Variants in NAV1 observed in about 807,000 individuals in gnomAD.
NAV1 encodes pore membrane and/or filament interacting like protein 3.
In NAV1, 18 loss-of-function variants were observed where a neutral mutation model predicts 175.2. That is an observed-to-expected ratio of 0.10 (90% CI 0.07 to 0.15). The LOEUF is 0.15. NAV1 is among the 10% of genes least tolerant of loss of function. The pLI, the probability that NAV1 is intolerant of heterozygous loss-of-function variation, is 1.00. For missense variants in NAV1, 1,731 were observed against 2,436.6 expected, an observed-to-expected ratio of 0.71 and a Z score of 6.10; for synonymous variants, 897 against 978.7, an observed-to-expected ratio of 0.92 and a Z score of 1.56.
At chr1:201,550,061 C>A (rs1417267818) in intron 1 of NAV1, among the ~76,000 whole-genome samples, 1 of 150,442 alleles carries the variant, frequency 6.6e-6, no homozygotes, top group Non-Finnish European at 1.5e-5. Flanking sequence ...CGGGCATGCT[C>A]ACCCAGAAAG....
intron 1 of NAV1, among the ~76,000 whole-genome samples, chr1:201,683,489 G>T (rs1453111524): frequency 2.0e-5 from 3 of 152,034 alleles, no homozygotes; most frequent in Non-Finnish European, 4.4e-5. Context: ...TCCCTACAAT[G>T]CGCAGTTCAC....
chr1:201,804,389 T>C, intron 16 of NAV1, 100 bp from the exon 21 acceptor site: 1 of 1,244,956 alleles, frequency 8.0e-7, no homozygotes, highest in South Asian at 1.4e-5. Flanking sequence ...GACCTTTGTA[T>C]AATGCAGACA....
chr1:201,581,784 G>C (rs1666870236), intron 1 of NAV1, among the ~76,000 whole-genome samples: 1 of 151,966 alleles, frequency 6.6e-6, no homozygotes, highest in South Asian at 2.1e-4. Context: ...AGCTGAGATT[G>C]CACCACTACA....
chr1:201,545,225 A>G (rs1011690820), intron 1 of NAV1, among the ~76,000 whole-genome samples: 10 of 152,122 alleles, frequency 6.6e-5, no homozygotes, highest in African/African-American at 2.2e-4. Context: ...ATAGATTCCT[A>G]TGATCTGGCA....
intron 1 of NAV1, among the ~76,000 whole-genome samples, chr1:201,577,068 A>G (rs1666711481): frequency 2.6e-5 from 4 of 152,094 alleles, no homozygotes; most frequent in Admixed American, 2.6e-4. Context: ...ACAGCTCACA[A>G]CCTCAACCTC....
chr1:201,662,297 C>T (rs192947935), intron 1 of NAV1, among the ~76,000 whole-genome samples: 2 of 152,384 alleles, frequency 1.3e-5, no homozygotes, highest in Admixed American at 1.3e-4. Context: ...CTGCCGCAGG[C>T]TGAGGACAGT....
chr1:201,705,399 G>A (rs749691893), intron 1 of NAV1, among the ~76,000 whole-genome samples: 25 of 152,154 alleles, frequency 1.6e-4, no homozygotes, highest in Non-Finnish European at 2.5e-4. Context: ...CTTTAGTCCT[G>A]GCTCTTTCTG....
At chr1:201,774,617 C>T (rs1021144493) in intron 3 of NAV1, among the ~76,000 whole-genome samples, 2 of 152,020 alleles carry the variant, frequency 1.3e-5, no homozygotes, top group Non-Finnish European at 2.9e-5. Flanking sequence ...ATAGCAAGAC[C>T]CCATCTCAAA....
chr1:201,781,062 G>T (rs1376964558), exon 5 of NAV1: 1 of 1,614,192 alleles, frequency 6.2e-7, no homozygotes, highest in Non-Finnish European at 8.5e-7. Context: ...GGCTGAGCTG[G>T]TTTAGTGAAT....
intron 2 of NAV1, among the ~76,000 whole-genome samples, chr1:201,635,808 T>C (rs560144675): frequency 8.5e-5 from 13 of 152,294 alleles, no homozygotes; most frequent in Non-Finnish European, 1.6e-4. Flanking sequence ...TCCTAGGAAA[T>C]CCCAACCCCT....
At chr1:201,779,503 C>A (rs1419480254) in intron 3 of NAV1, among the ~76,000 whole-genome samples, 1 of 141,362 alleles carries the variant, frequency 7.1e-6, no homozygotes, top group Non-Finnish European at 1.5e-5. Flanking sequence ...GAGGCTGAAG[C>A]AGGAGAATTG....
rs1389908339 is a variant in NAV1, at chr1:201,560,718, T to A, written c.-144+21376T>A. Among the ~76,000 whole-genome samples the A allele has an allele frequency of 2.0e-5, 3 of 152,190 alleles. No homozygotes were observed. The East Asian group carries it at 5.8e-4, about 29-fold the overall frequency. ...ACACTGATGTTTGTACAGATGTGCA[T>A]CTCTGTTGCTGCGTGGCAGCATTTT... On this transcript the variant is annotated intron_variant, in intron 1 of 33. Coordinates refer to the NAV1 transcript ENST00000685211.
intron 2 of NAV1, among the ~76,000 whole-genome samples, chr1:201,608,311 G>A (rs781041277): frequency 6.6e-6 from 1 of 152,158 alleles, no homozygotes; most frequent in Non-Finnish European, 1.5e-5. Context: ...TCAGTGTGGC[G>A]ATGAGAGCTG....
intron 1 of NAV1, among the ~76,000 whole-genome samples, chr1:201,565,981 C>T (rs751860828): frequency 2.0e-5 from 3 of 152,160 alleles, no homozygotes; most frequent in Non-Finnish European, 4.4e-5. Flanking sequence ...ATGCAGCCAC[C>T]CTCTTCCATG....
intron 28 of NAV1, 153 bp from the exon 33 acceptor site, chr1:201,816,935 A>G: frequency 1.5e-6 from 1 of 655,154 alleles, no homozygotes; most frequent in Non-Finnish European, 2.6e-6. Flanking sequence ...TGGCCTCCCT[A>G]AATGCTGGGA....
In NAV1 at chr1:201,808,318, T is replaced by C. The variant is rs1341561336; in HGVS notation, c.3846-100T>C. ...TCTTCTCATGCTGATTGAATATCAA[T>C]GGGCAGGAGAAGCCAAGACCACCAA... On this transcript the variant is annotated intron_variant, in intron 18 of 29. Coordinates refer to ENST00000367296, the Ensembl canonical transcript of NAV1. This position sits in a 1 kb window ranked among gnomAD's most constrained non-coding sequence, Gnocchi z 5.5. 40 of 1,426,020 alleles carry C rather than the reference T, an allele frequency of 2.8e-5. No homozygotes were observed. Among genetic ancestry groups the C allele is most frequent in the East Asian group, 9.2e-5 (4 of 43,314 alleles). The allele number at this position is 1,426,020 out of a possible 1,614,324, so 88.3% of individuals were successfully genotyped here.
At position 201,694,372 on chromosome 1, in the gene NAV1, G is replaced by A. The variant is rs1312639567; in HGVS notation, c.758-18445G>A. On this transcript the variant is annotated intron_variant, in intron 1 of 29. Coordinates refer to ENST00000367296, the Ensembl canonical transcript of NAV1. The surrounding 1 kb of genome is among the most constrained non-coding windows in gnomAD (Gnocchi z 4.2). ...GGAGCCAGGCAGCTGATTTCCCATCGCTTCTCTCATCCCTCCTTCTGAGCC... is the reference window on the plus strand; with the variant it reads ...GGAGCCAGGCAGCTGATTTCCCATCACTTCTCTCATCCCTCCTTCTGAGCC... Among the ~76,000 whole-genome samples the A allele has an allele frequency of 2.0e-5, 3 of 152,216 alleles. No individual in the cohort carries two copies. The highest frequency in any genetic ancestry group is 1.3e-4 in the Admixed American group (2 of 15,292).
At position 201,566,041 on chromosome 1, in the gene NAV1, C is replaced by T. The variant is rs532535825; in HGVS notation, c.-143-22498C>T. ...TTCAGATCCTGGCTGCTCCTCCTTC[C>T]CTGCCAGCACTGAGCTCTCCCCATC... On this transcript the variant is annotated intron_variant, in intron 1 of 33. Transcript: ENST00000685211. 1.8e-3 allele frequency among the ~76,000 whole-genome samples: 269 copies of T among 152,306 alleles called. 1 individual carries two copies. Among genetic ancestry groups the T allele is most frequent in the Non-Finnish European group, 1.4e-3 (98 of 68,022 alleles).
rs1303192771 is a variant in NAV1 at position 201,623,620 on chromosome 1, C to G, written c.-101+14C>G. ...CTTCCAGTACAGGTGAGCTGGGGAG[C>G]AGGCAGGGAGGGAAGGGGGAAGAGC... is the stretch of plus-strand genomic sequence containing the variant. On this transcript the variant is annotated intron_variant, in intron 1 of 29. Coordinates refer to the NAV1 transcript ENST00000367302. 1 of 986,266 alleles carries G rather than the reference C, an allele frequency of 1.0e-6. No individual in the cohort carries two copies. Among genetic ancestry groups the G allele is most frequent in the African/African-American group, 1.7e-5 (1 of 57,212 alleles). The allele number at this position is 986,266 out of a possible 1,614,324, so 61.1% of individuals were successfully genotyped here.
Sources: allele counts gnomAD v4.1 joint callset (sites outside exome capture counted in the v4.1 genomes callset), GRCh38; gene constraint gnomAD v4.1.1; non-coding constraint Gnocchi (gnomAD v3.1); transcripts MANE v1.5; gene names NCBI Gene and HGNC (gene_info 2026-07-23, HGNC 2026-07-21).